Variants in FILIP1 observed in about 807,000 individuals in gnomAD.
FILIP1 encodes filamin A interacting protein 1.
FILIP1 carries 61 observed loss-of-function variants against 102.1 expected under a neutral mutation model. The observed-to-expected ratio is 0.60, with a 90% confidence interval of 0.49 to 0.74. The LOEUF (loss-of-function observed/expected upper bound fraction) is 0.74, where lower values mean the gene tolerates loss of function less well. Ranked by LOEUF, FILIP1 falls within the 30% of genes least tolerant of loss-of-function variation. FILIP1 has a pLI of 0.00. For synonymous variants in FILIP1, 491 were observed against 526.9 expected, an observed-to-expected ratio of 0.93 and a Z score of 0.93; for missense variants, 1,314 against 1,441.2, an observed-to-expected ratio of 0.91 and a Z score of 1.43.
At chr6:75,331,162 A>G (rs1466847274) in intron 4 of FILIP1, among the ~76,000 whole-genome samples, 1 of 152,230 alleles carries the variant, frequency 6.6e-6, no homozygotes, top group African/African-American at 2.4e-5. Flanking sequence ...ATTTAAATTT[A>G]TAAATGCTAT....
At chr6:75,462,772 G>A (rs1174240997) in intron 1 of FILIP1, among the ~76,000 whole-genome samples, 6 of 152,010 alleles carry the variant, frequency 3.9e-5, no homozygotes, top group African/African-American at 1.4e-4. Context: ...TTGCTTTCTG[G>A]GGGTGCAGAG....
chr6:75,431,247 G>A (rs775615482), intron 1 of FILIP1, among the ~76,000 whole-genome samples: 6 of 152,128 alleles, frequency 3.9e-5, no homozygotes, highest in Admixed American at 1.3e-4. Context: ...GTTTGGCTAC[G>A]TTCCTATAAT....
chr6:75,313,635 C>T lies in FILIP1; in HGVS notation c.2197G>A (p.Glu733Lys), dbSNP rs770586450. The T allele has an allele frequency of 3.1e-6, 5 of 1,596,966 alleles. No individual in the cohort carries two copies. The highest frequency in any genetic ancestry group is 2.2e-5 in the East Asian group (1 of 44,824). Reference sequence around the variant, plus strand: ...AGCTGATCTTCTTTGTTCATTAATTCGTGAATCTTCTCTTTAAGAGCTTGT... The same window carrying T: ...AGCTGATCTTCTTTGTTCATTAATTTGTGAATCTTCTCTTTAAGAGCTTGT... The part of the protein sequence containing the change: ...EVQALKEKIH[E>K]LMNKEDQLSQ... The change falls in exon 5 of 6, where the codon GAA becomes AAA. Residue 733 changes from glutamate (E) to lysine (K), a missense_variant. Transcript: ENST00000237172. This position sits in a 1 kb window ranked among gnomAD's most constrained non-coding sequence, Gnocchi z 4.2.
intron 2 of FILIP1, among the ~76,000 whole-genome samples, chr6:75,365,730 G>A (rs1754900201): frequency 6.6e-6 from 1 of 151,606 alleles, no homozygotes; most frequent in Admixed American, 6.6e-5. Flanking sequence ...ATACAGGTAT[G>A]TATTTTCTAA....
intron 5 of FILIP1, among the ~76,000 whole-genome samples, chr6:75,310,129 G>A (rs974592225): frequency 2.6e-5 from 4 of 152,178 alleles, no homozygotes; most frequent in African/African-American, 9.7e-5. Flanking sequence ...CAGCACAATG[G>A]GACTGCTCAC....
At chr6:75,388,970 C>T (rs1776191952) in intron 2 of FILIP1, among the ~76,000 whole-genome samples, 1 of 152,158 alleles carries the variant, frequency 6.6e-6, no homozygotes, top group African/African-American at 2.4e-5. Flanking sequence ...GGAATGCTTC[C>T]AGCTTTTGCC....
In FILIP1 at chr6:75,313,430, G is replaced by A. The variant is rs78566620; in HGVS notation, c.2402C>T (p.Thr801Met). 1.0e-4 allele frequency: 165 copies of A among 1,614,154 alleles called. No individual in the cohort carries two copies. Among genetic ancestry groups the A allele is most frequent in the East Asian group, 3.3e-4 (15 of 44,884 alleles). ...TGCATCAGTTTGGACTCCAGTTGAC[G>A]TCACAGGAACATCCACCATTCTTCT... ...NGRRMVDVPV[T>M]STGVQTDAVS... The change falls in exon 5 of 6, where the codon ACG (threonine) becomes ATG (methionine). Residue 801 changes from threonine (T) to methionine (M), a missense_variant. This residue lies in a region of FILIP1 where 816 missense variants were observed against 913.1 expected (regional missense o/e 0.89). Coordinates refer to ENST00000237172, the MANE Select transcript of FILIP1 (RefSeq NM_015687.5). This position sits in a 1 kb window ranked among gnomAD's most constrained non-coding sequence, Gnocchi z 4.2.
intron 2 of FILIP1, among the ~76,000 whole-genome samples, chr6:75,410,910 A>T (rs1282473417): frequency 6.6e-6 from 1 of 152,206 alleles, no homozygotes; most frequent in Non-Finnish European, 1.5e-5. Flanking sequence ...CAGTAGAATG[A>T]TTTATGATCC....
chr6:75,446,671 C>T (rs1317086454), intron 1 of FILIP1, among the ~76,000 whole-genome samples: 2 of 152,130 alleles, frequency 1.3e-5, no homozygotes, highest in Non-Finnish European at 2.9e-5. Flanking sequence ...TTTCTAGCCG[C>T]AACCATCAAT....
intron 1 of FILIP1, among the ~76,000 whole-genome samples, chr6:75,481,126 T>C (rs1779640360): frequency 6.6e-6 from 1 of 152,098 alleles, no homozygotes; most frequent in South Asian, 2.1e-4. Flanking sequence ...TCACTGACCA[T>C]CCAAAATCAG....
rs535102768 is a variant in FILIP1 at position 75,377,208 on chromosome 6, C to T, written c.277-14291G>A. Reference sequence around the variant, plus strand: ...TAACAATATTCCCATTGAGTTCCTACTTGGAATGTCCTTTTTATAAAAAAA... The same window carrying T: ...TAACAATATTCCCATTGAGTTCCTATTTGGAATGTCCTTTTTATAAAAAAA... On this transcript the variant is annotated intron_variant, in intron 2 of 5. Coordinates refer to ENST00000237172, the MANE Select transcript of FILIP1 (RefSeq NM_015687.5). Among the ~76,000 whole-genome samples the T allele has an allele frequency of 2.0e-5, 3 of 152,146 alleles. No homozygotes were observed. The East Asian group carries it at 5.8e-4, about 29-fold the overall frequency.
At chr6:75,395,722 C>T (rs1776438572) in intron 2 of FILIP1, among the ~76,000 whole-genome samples, 1 of 152,166 alleles carries the variant, frequency 6.6e-6, no homozygotes, top group African/African-American at 2.4e-5. Flanking sequence ...GATTCCTGAG[C>T]ATGTGATTAC....
intron 1 of FILIP1, among the ~76,000 whole-genome samples, chr6:75,435,581 A>G (rs548445316): frequency 6.6e-5 from 10 of 152,334 alleles, no homozygotes; most frequent in African/African-American, 2.4e-4. Context: ...GCTCCCACCC[A>G]TGATGGGGGA....
At chr6:75,489,088 A>G (rs535400990) in intron 1 of FILIP1, among the ~76,000 whole-genome samples, 2 of 152,272 alleles carry the variant, frequency 1.3e-5, no homozygotes, top group South Asian at 4.1e-4. Context: ...ATGGAGGAGG[A>G]AGTCTTCATT....
intron 1 of FILIP1, among the ~76,000 whole-genome samples, chr6:75,457,554 C>A (rs897311031): frequency 1.3e-5 from 2 of 152,004 alleles, no homozygotes; most frequent in African/African-American, 4.8e-5. Context: ...GTTAGAAATT[C>A]TCCCATAGTG....
chr6:75,297,131 G>A (rs574288816), intron 6 of FILIP1: 1 of 152,244 alleles, frequency 6.6e-6, no homozygotes, highest in African/African-American at 2.4e-5. Flanking sequence ...TATGGTATAT[G>A]TTGTGAGTGC....
At chr6:75,379,354 T>TA (rs1775834899) in intron 2 of FILIP1, among the ~76,000 whole-genome samples, 1 of 152,344 alleles carries the variant, frequency 6.6e-6, no homozygotes, top group South Asian at 2.1e-4. Context: ...CATATAGAAA[T>TA]AGGCGACTGT....
intron 4 of FILIP1, among the ~76,000 whole-genome samples, chr6:75,329,850 C>T (rs1213777765): frequency 6.6e-6 from 1 of 152,088 alleles, no homozygotes; most frequent in East Asian, 1.9e-4. Context: ...TACAGTCATA[C>T]AATGTGTAGT....
chr6:75,407,405 T>C (rs1325378791), intron 2 of FILIP1, among the ~76,000 whole-genome samples: 1 of 152,104 alleles, frequency 6.6e-6, no homozygotes, highest in Non-Finnish European at 1.5e-5. Context: ...TTTTTGTATT[T>C]TTAGTAGAGA....
Sources: allele counts gnomAD v4.1 joint callset (sites outside exome capture counted in the v4.1 genomes callset), GRCh38; gene constraint gnomAD v4.1.1; regional missense constraint gnomAD v4.1.1; non-coding constraint Gnocchi (gnomAD v3.1); transcripts MANE v1.5; gene names NCBI Gene and HGNC (gene_info 2026-07-23, HGNC 2026-07-21).